ANKS1A: variants seen among roughly 807,000 people sequenced by gnomAD.
ANKS1A encodes ankyrin repeat and sterile alpha motif domain containing 1A.
In ANKS1A, 55 loss-of-function variants were observed where a neutral mutation model predicts 120.3. The ratio of observed to expected loss-of-function variants is 0.46; its 90% CI spans 0.37 to 0.57. The LOEUF is 0.57. Among genes scored for constraint, ANKS1A ranks in the 20% least tolerant of loss-of-function variants. The pLI, the probability that ANKS1A is intolerant of heterozygous loss-of-function variation, is 0.00. For missense variants in ANKS1A, 1,123 were observed against 1,480.3 expected, an observed-to-expected ratio of 0.76 and a Z score of 3.96; for synonymous variants, 590 against 604.7, an observed-to-expected ratio of 0.98 and a Z score of 0.36.
chr6:35,014,965 C>CA (rs1370066339), intron 10 of ANKS1A, among the ~76,000 whole-genome samples: 2 of 152,210 alleles, frequency 1.3e-5, no homozygotes. Context: ...CATGCAACAT[C>CA]ACTGGGTAGC....
At chr6:35,032,120 A>G (rs1345346754) in intron 11 of ANKS1A, among the ~76,000 whole-genome samples, 4 of 152,236 alleles carry the variant, frequency 2.6e-5, no homozygotes, top group Non-Finnish European at 4.4e-5. Context: ...AAGCAAGTAC[A>G]AATAAAAATA....
At chr6:35,007,487 G>A (rs1471202091) in intron 10 of ANKS1A, among the ~76,000 whole-genome samples, 1 of 152,214 alleles carries the variant, frequency 6.6e-6, no homozygotes, top group Non-Finnish European at 1.5e-5. Flanking sequence ...TTCCTGTTTT[G>A]TATAGCGTAG....
chr6:35,015,134 C>G (rs1031404394), intron 10 of ANKS1A, among the ~76,000 whole-genome samples: 1 of 152,198 alleles, frequency 6.6e-6, no homozygotes, highest in Non-Finnish European at 1.5e-5. Flanking sequence ...TGCTCAGGAC[C>G]TGACCTTTAA....
chr6:35,047,874 G>A (rs564787798), intron 11 of ANKS1A, among the ~76,000 whole-genome samples: 11 of 152,192 alleles, frequency 7.2e-5, no homozygotes, highest in Non-Finnish European at 1.6e-4. Context: ...TTTCCTCCCG[G>A]TCATGTTCAT....
At chr6:34,989,701 A>G (rs1162365394) in intron 9 of ANKS1A, among the ~76,000 whole-genome samples, 1 of 152,110 alleles carries the variant, frequency 6.6e-6, no homozygotes, top group Non-Finnish European at 1.5e-5. Flanking sequence ...TGCCCCAAAC[A>G]TCTTATTCCT....
At chr6:34,960,435 A>G (rs1429811651) in intron 1 of ANKS1A, among the ~76,000 whole-genome samples, 1 of 152,146 alleles carries the variant, frequency 6.6e-6, no homozygotes, top group Admixed American at 6.5e-5. Flanking sequence ...AGCCCCTAGA[A>G]GGCGCACTTC....
At chr6:35,079,007 C>T (rs1198589783) in intron 14 of ANKS1A, among the ~76,000 whole-genome samples, 1 of 152,160 alleles carries the variant, frequency 6.6e-6, no homozygotes, top group Non-Finnish European at 1.5e-5. Flanking sequence ...GAGCCCTGGC[C>T]AGCCTGCACT....
intron 11 of ANKS1A, among the ~76,000 whole-genome samples, chr6:35,040,371 C>G (rs954352425): frequency 6.6e-6 from 1 of 152,238 alleles, no homozygotes; most frequent in African/African-American, 2.4e-5. Flanking sequence ...CTGCGGCCCT[C>G]GTCTTCCTTT....
At chr6:35,015,293 T>C (rs1483422231) in intron 10 of ANKS1A, among the ~76,000 whole-genome samples, 1 of 152,138 alleles carries the variant, frequency 6.6e-6, no homozygotes. Flanking sequence ...GGCGAGGAGT[T>C]TGAGACCAGC....
chr6:34,967,493 C>G (rs143143201), intron 2 of ANKS1A, among the ~76,000 whole-genome samples, 174 bp downstream of exon 2: 1,976 of 146,848 alleles, frequency 0.013, 18 homozygotes, highest in African/African-American at 0.02. Flanking sequence ...TGAGAGCAGC[C>G]TGGGCAACAA....
chr6:34,928,624 A>G (rs1768830015), intron 1 of ANKS1A, among the ~76,000 whole-genome samples: 1 of 151,242 alleles, frequency 6.6e-6, no homozygotes, highest in South Asian at 2.1e-4. Flanking sequence ...ACCCACCCCT[A>G]TTAGGAGGGT....
intron 16 of ANKS1A, among the ~76,000 whole-genome samples, chr6:35,080,780 C>G (rs901218222): frequency 2.0e-5 from 3 of 152,048 alleles, no homozygotes; most frequent in Non-Finnish European, 1.5e-5. Flanking sequence ...TTTATAAATG[C>G]AAAAGTGGCT....
chr6:34,939,654 A>T (rs1176471779), intron 1 of ANKS1A, among the ~76,000 whole-genome samples: 1 of 152,152 alleles, frequency 6.6e-6, no homozygotes, highest in African/African-American at 2.4e-5. Flanking sequence ...TCCAGGTTAC[A>T]ATGAGCTATG....
chr6:34,943,470 T>C (rs1322407503), intron 1 of ANKS1A, among the ~76,000 whole-genome samples: 3 of 152,230 alleles, frequency 2.0e-5, no homozygotes, highest in Non-Finnish European at 2.9e-5. Context: ...CTGTGTGTTA[T>C]ATAGTTCTAT....
At chr6:35,011,522 A>C (rs1351284290) in intron 10 of ANKS1A, among the ~76,000 whole-genome samples, 4 of 152,182 alleles carry the variant, frequency 2.6e-5, no homozygotes, top group Non-Finnish European at 4.4e-5. Flanking sequence ...ATCAAGACCA[A>C]GTCAATGTGA....
At chr6:34,924,136 T>C (rs1768587645) in intron 1 of ANKS1A, among the ~76,000 whole-genome samples, 1 of 151,768 alleles carries the variant, frequency 6.6e-6, no homozygotes, top group Admixed American at 6.6e-5. Flanking sequence ...TGTATTTTTC[T>C]TTTCCCCTGT....
chr6:35,010,260 A>G (rs991968556), intron 10 of ANKS1A, among the ~76,000 whole-genome samples: 27 of 152,320 alleles, frequency 1.8e-4, no homozygotes, highest in Admixed American at 2.6e-4. Context: ...GGATAATGCA[A>G]TATCTTAGGA....
intron 23 of ANKS1A, among the ~76,000 whole-genome samples, 171 bp downstream of exon 23, chr6:35,087,220 T>A (rs201511428): frequency 1.8e-5 from 1 of 55,058 alleles, no homozygotes; most frequent in Non-Finnish European, 5.8e-5. Flanking sequence ...GCGTAGACGC[T>A]GTACACTTGC....
intron 1 of ANKS1A, among the ~76,000 whole-genome samples, chr6:34,892,570 T>C (rs1296690261): frequency 6.6e-6 from 1 of 152,256 alleles, no homozygotes; most frequent in Non-Finnish European, 1.5e-5. Flanking sequence ...TGTATTCACC[T>C]GTTTGTGTTC....
Sources: gnomAD v4.1 joint callset for allele counts (sites outside exome capture counted in the v4.1 genomes callset) on GRCh38, gnomAD v4.1.1 for gene constraint, MANE v1.5 for transcripts, NCBI Gene and HGNC (gene_info 2026-07-23, HGNC 2026-07-21) for gene names.